NRXN3: variants seen among roughly 807,000 people sequenced by gnomAD.
NRXN3 encodes the protein neurexin III.
Under a neutral mutation model 137.6 loss-of-function variants are expected in NRXN3, and 32 were observed. The ratio of observed to expected loss-of-function variants is 0.23; its 90% CI spans 0.18 to 0.31. NRXN3 has a LOEUF of 0.31. Among genes scored for constraint, NRXN3 ranks in the 10% least tolerant of loss-of-function variants. NRXN3 has a pLI of 1.00. For synonymous variants in NRXN3, 798 were observed against 784.5 expected, an observed-to-expected ratio of 1.02 and a Z score of -0.29; for missense variants, 1,574 against 2,062.5, an observed-to-expected ratio of 0.76 and a Z score of 4.59.
chr14:79,462,852 T>C (rs2096366035), intron 15 of NRXN3, among the ~76,000 whole-genome samples: 1 of 143,192 alleles, frequency 7.0e-6, no homozygotes, highest in Non-Finnish European at 1.5e-5. Flanking sequence ...TATATGTGCA[T>C]ACACAATGAA....
At chr14:79,179,638 T>C (rs1568516397) in intron 15 of NRXN3, among the ~76,000 whole-genome samples, 1 of 152,238 alleles carries the variant, frequency 6.6e-6, no homozygotes, top group African/African-American at 2.4e-5. Flanking sequence ...GTCTTACAAA[T>C]AAGGGCAGGA....
intron 4 of NRXN3, among the ~76,000 whole-genome samples, chr14:78,356,240 G>C (rs1423952554): frequency 1.3e-5 from 2 of 152,200 alleles, no homozygotes; most frequent in African/African-American, 4.8e-5. Flanking sequence ...GATTTATCCA[G>C]GGTCACCCAG....
intron 4 of NRXN3, among the ~76,000 whole-genome samples, chr14:78,309,657 C>T (rs954247828): frequency 6.6e-6 from 1 of 152,080 alleles, no homozygotes; most frequent in African/African-American, 2.4e-5. Context: ...AATTACAAAC[C>T]TCTGAGAAGG....
At chr14:79,269,120 G>T (rs2078910275) in intron 15 of NRXN3, among the ~76,000 whole-genome samples, 1 of 151,932 alleles carries the variant, frequency 6.6e-6, no homozygotes. Flanking sequence ...CACAATCTCG[G>T]CTCACTGCAA....
intron 10 of NRXN3, among the ~76,000 whole-genome samples, chr14:78,899,205 AAGAGGGAGG>A (rs368879557): frequency 2.1e-4 from 32 of 150,070 alleles, no homozygotes; most frequent in African/African-American, 6.8e-4. Context: ...AGAGAAAAAG[AAGAGGGAGG>A]AGAGGGAGGG....
chr14:78,380,790 GTT>G (rs55664650), intron 4 of NRXN3, among the ~76,000 whole-genome samples: 37,879 of 145,644 alleles, frequency 0.26, 5,033 homozygotes, highest in Middle Eastern at 0.38. Context: ...ATCTTATCAA[GTT>G]TTTTTTTTTT....
intron 15 of NRXN3, among the ~76,000 whole-genome samples, chr14:79,433,142 T>A (rs1366162253): frequency 6.6e-6 from 1 of 152,236 alleles, no homozygotes; most frequent in Non-Finnish European, 1.5e-5. Flanking sequence ...GGGAAGAATG[T>A]CTGCAGAAAG....
intron 8 of NRXN3, among the ~76,000 whole-genome samples, chr14:78,743,899 C>A (rs1038556119): frequency 6.6e-6 from 1 of 152,170 alleles, no homozygotes. Flanking sequence ...GAGAACTTTA[C>A]TGAATTCAGG....
intron 15 of NRXN3, among the ~76,000 whole-genome samples, chr14:79,260,470 G>A (rs2077427456): frequency 6.6e-6 from 1 of 152,062 alleles, no homozygotes; most frequent in African/African-American, 2.4e-5. Context: ...CTTGTGTTGG[G>A]GAGTACTTTT....
intron 8 of NRXN3, among the ~76,000 whole-genome samples, chr14:78,798,907 A>G (rs1238376275): frequency 1.3e-5 from 2 of 152,202 alleles, no homozygotes; most frequent in Non-Finnish European, 2.9e-5. Flanking sequence ...ACAGGGCACC[A>G]AGTCCCTAGG....
chr14:79,775,169 G>A (rs2099092823), intron 19 of NRXN3, among the ~76,000 whole-genome samples: 1 of 152,056 alleles, frequency 6.6e-6, no homozygotes, highest in Non-Finnish European at 1.5e-5. Context: ...GTCACAACCA[G>A]CTACATTTAG....
intron 10 of NRXN3, among the ~76,000 whole-genome samples, chr14:78,887,304 G>A (rs2099146413): frequency 6.6e-6 from 1 of 152,082 alleles, no homozygotes; most frequent in Non-Finnish European, 1.5e-5. Flanking sequence ...TGAGCTCAAA[G>A]CTTGTGTAAT....
chr14:79,474,314 TG>T (rs1248988940), intron 16 of NRXN3, among the ~76,000 whole-genome samples: 1 of 152,154 alleles, frequency 6.6e-6, no homozygotes, highest in African/African-American at 2.4e-5. Context: ...TAATGGAGAA[TG>T]GTGGTTTTCC....
chr14:78,758,766 T>C (rs1189217064), intron 8 of NRXN3, among the ~76,000 whole-genome samples: 2 of 152,254 alleles, frequency 1.3e-5, no homozygotes, highest in Non-Finnish European at 2.9e-5. Flanking sequence ...TTTGTCATTC[T>C]GTCCTTTTAT....
intron 15 of NRXN3, among the ~76,000 whole-genome samples, chr14:79,025,045 C>T (rs924195640): frequency 3.3e-5 from 5 of 152,090 alleles, no homozygotes; most frequent in African/African-American, 1.2e-4. Context: ...TTCACTCATA[C>T]TATTTGTTAT....
chr14:78,247,179 C>A (rs1332565518), intron 2 of NRXN3, among the ~76,000 whole-genome samples: 1 of 152,190 alleles, frequency 6.6e-6, no homozygotes, highest in Non-Finnish European at 1.5e-5. Context: ...GCTCTCCATG[C>A]CTTGTTGGCT....
intron 16 of NRXN3, among the ~76,000 whole-genome samples, chr14:79,488,064 C>T (rs1467452216): frequency 6.6e-6 from 1 of 152,116 alleles, no homozygotes; most frequent in African/African-American, 2.4e-5. Flanking sequence ...CCCCCGAGCA[C>T]CAAGGGCTAG....
intron 15 of NRXN3, among the ~76,000 whole-genome samples, chr14:79,182,960 T>A (rs2063105045): frequency 6.6e-6 from 1 of 152,154 alleles, no homozygotes; most frequent in Non-Finnish European, 1.5e-5. Context: ...AGAAACAGAC[T>A]TACTACAAAC....
At chr14:79,274,394 T>C (rs1289641620) in intron 15 of NRXN3, among the ~76,000 whole-genome samples, 3 of 152,222 alleles carry the variant, frequency 2.0e-5, no homozygotes, top group African/African-American at 7.2e-5. Flanking sequence ...AATGAGATTA[T>C]TCCTTCTTTT....
Sources: gnomAD v4.1 joint callset for allele counts (sites outside exome capture counted in the v4.1 genomes callset) on GRCh38, gnomAD v4.1.1 for gene constraint, MANE v1.5 for transcripts, NCBI Gene and HGNC (gene_info 2026-07-23, HGNC 2026-07-21) for gene names.